GRID2: variants seen among roughly 807,000 people sequenced by gnomAD.
The protein encoded by GRID2 is glutamate receptor ionotropic, delta-2.
A neutral mutation model predicts 114.8 loss-of-function variants in GRID2; 33 were observed. The observed-to-expected ratio is 0.29, with a 90% CI of 0.22 to 0.38. The LOEUF (loss-of-function observed/expected upper bound fraction) is 0.38. Ranked by LOEUF, GRID2 falls within the 10% of genes least tolerant of loss-of-function variation. The probability of loss-of-function intolerance (pLI) is 1.00; values close to 1 mark genes in which losing one functional copy is unlikely to be tolerated. For missense variants in GRID2, 1,184 were observed against 1,257.7 expected (o/e 0.94, Z 0.89); for synonymous variants, 505 against 449.9 (o/e 1.12, Z -1.55).
chr4:93,552,787 C>T (rs1330158099), intron 13 of GRID2, among the ~76,000 whole-genome samples: 2 of 148,774 alleles, frequency 1.3e-5, no homozygotes, highest in East Asian at 4.0e-4. Flanking sequence ...TCCCCCAGCC[C>T]CCCACCCCCC....
intron 2 of GRID2, among the ~76,000 whole-genome samples, chr4:92,844,034 A>T (rs546293655): frequency 6.6e-6 from 1 of 152,226 alleles, no homozygotes; most frequent in South Asian, 2.1e-4. Flanking sequence ...ATCACCACTG[A>T]TTTAATAAAA....
chr4:92,611,050 ATATATATATGTGTGTGTG>A (rs1729702953), intron 2 of GRID2, among the ~76,000 whole-genome samples: 3 of 142,646 alleles, frequency 2.1e-5, no homozygotes, highest in South Asian at 2.3e-4. Context: ...GTGTAGCTGT[ATATATATATGTGTGTGTG>A]TATATATATA....
At chr4:93,404,685 T>A (rs1453010406) in intron 9 of GRID2, among the ~76,000 whole-genome samples, 2 of 152,040 alleles carry the variant, frequency 1.3e-5, no homozygotes, top group East Asian at 3.9e-4. Flanking sequence ...AGGGAGAGCA[T>A]GAAAGAAGTA....
At chr4:93,658,618 C>G (rs1397717923) in intron 14 of GRID2, among the ~76,000 whole-genome samples, 1 of 152,098 alleles carries the variant, frequency 6.6e-6, no homozygotes, top group Non-Finnish European at 1.5e-5. Flanking sequence ...AGAGTCCATG[C>G]TCTCATCCCC....
At chr4:93,448,912 TCCCTTCCCCTTCCCTTC>T (rs1452062948) in intron 10 of GRID2, among the ~76,000 whole-genome samples, 2 of 80,612 alleles carry the variant, frequency 2.5e-5, no homozygotes, top group Non-Finnish European at 2.3e-5. Context: ...TCCCTTCCCT[TCCCTTCCCCTTCCCTTC>T]CCCTTCCCCT....
intron 1 of GRID2, among the ~76,000 whole-genome samples, chr4:92,389,647 T>A (rs1275865642): frequency 1.3e-5 from 2 of 152,104 alleles, no homozygotes; most frequent in African/African-American, 4.8e-5. Flanking sequence ...TTAATGTATC[T>A]GAATTTCAAT....
chr4:92,643,240 T>A (rs1731448766), intron 2 of GRID2, among the ~76,000 whole-genome samples: 1 of 151,846 alleles, frequency 6.6e-6, no homozygotes, highest in Non-Finnish European at 1.5e-5. Context: ...GAACATGGAA[T>A]GTTTTTCCAT....
chr4:92,575,699 C>T (rs1465178411), intron 1 of GRID2, among the ~76,000 whole-genome samples: 1 of 152,184 alleles, frequency 6.6e-6, no homozygotes, highest in Non-Finnish European at 1.5e-5. Flanking sequence ...GGTTGCCAGC[C>T]TGAACCCTCC....
At chr4:93,262,652 A>C (rs1482961502) in intron 8 of GRID2, among the ~76,000 whole-genome samples, 1 of 152,078 alleles carries the variant, frequency 6.6e-6, no homozygotes, top group South Asian at 2.1e-4. Context: ...ACTTTGAATA[A>C]AATTCCTGTT....
intron 2 of GRID2, among the ~76,000 whole-genome samples, chr4:92,926,295 C>T (rs1196676520): frequency 6.6e-6 from 1 of 151,938 alleles, no homozygotes; most frequent in African/African-American, 2.4e-5. Context: ...GTTATGTAGA[C>T]ATTCTGCAAT....
intron 13 of GRID2, among the ~76,000 whole-genome samples, chr4:93,531,817 C>T (rs753885113): frequency 1.3e-5 from 2 of 151,950 alleles, no homozygotes; most frequent in Non-Finnish European, 2.9e-5. Context: ...ATTGTATTAA[C>T]TCAGGAAGGT....
chr4:92,337,211 A>G (rs1481541548), intron 1 of GRID2, among the ~76,000 whole-genome samples: 1 of 152,080 alleles, frequency 6.6e-6, no homozygotes, highest in African/African-American at 2.4e-5. Context: ...CTTTTCTAAA[A>G]TAATGTTTTT....
chr4:92,712,758 T>G (rs1213019601), intron 2 of GRID2, among the ~76,000 whole-genome samples: 1 of 152,116 alleles, frequency 6.6e-6, no homozygotes, highest in African/African-American at 2.4e-5. Flanking sequence ...AGGTAATCAT[T>G]AATATTTCTG....
chr4:92,474,246 C>T (rs770453076), intron 1 of GRID2, among the ~76,000 whole-genome samples: 17 of 152,006 alleles, frequency 1.1e-4, no homozygotes, highest in South Asian at 6.2e-4. Context: ...TTAGATTGCG[C>T]GTATAAGTGA....
intron 2 of GRID2, among the ~76,000 whole-genome samples, chr4:92,635,780 G>T (rs2149249592): frequency 6.6e-6 from 1 of 151,948 alleles, no homozygotes; most frequent in African/African-American, 2.4e-5. Context: ...ATGATTTCAG[G>T]TACACCATGT....
intron 5 of GRID2, among the ~76,000 whole-genome samples, chr4:93,208,535 A>C (rs1310718210): frequency 1.3e-5 from 2 of 152,104 alleles, no homozygotes; most frequent in South Asian, 2.1e-4. Context: ...GGAATACTAA[A>C]CCATATTCTC....
chr4:93,150,033 C>G (rs897573423), intron 4 of GRID2, among the ~76,000 whole-genome samples: 1 of 151,906 alleles, frequency 6.6e-6, no homozygotes, highest in Non-Finnish European at 1.5e-5. Context: ...CGACAGAGGG[C>G]AAACTATGAT....
intron 2 of GRID2, among the ~76,000 whole-genome samples, chr4:92,607,911 A>G (rs1053610513): frequency 6.6e-6 from 1 of 151,916 alleles, no homozygotes; most frequent in Non-Finnish European, 1.5e-5. Flanking sequence ...AATATGTGTA[A>G]GTTCTGTGAA....
intron 8 of GRID2, among the ~76,000 whole-genome samples, chr4:93,363,634 T>C (rs1340643261): frequency 2.0e-5 from 3 of 152,132 alleles, no homozygotes; most frequent in Non-Finnish European, 4.4e-5. Flanking sequence ...TTTTGTGACA[T>C]AGAACATATG....
Sources: allele counts gnomAD v4.1 joint callset (sites outside exome capture counted in the v4.1 genomes callset), GRCh38; gene constraint gnomAD v4.1.1; transcripts MANE v1.5; gene names NCBI Gene and HGNC (gene_info 2026-07-23, HGNC 2026-07-21).